DPP9: variants seen among roughly 807,000 people sequenced by gnomAD.
The protein encoded by DPP9 is dipeptidyl peptidase IV-related protein-2.
DPP9 carries 50 observed loss-of-function variants against 110.7 expected under a neutral mutation model. That is an observed-to-expected ratio of 0.45 (90% confidence interval 0.36 to 0.57). DPP9 has a LOEUF of 0.57. Ranked by LOEUF, DPP9 falls within the 20% of genes least tolerant of loss-of-function variation. The probability of loss-of-function intolerance (pLI) is 0.00; values close to 1 mark genes in which losing one functional copy is unlikely to be tolerated. For synonymous variants in DPP9, 561 were observed against 514.4 expected, an observed-to-expected ratio of 1.09 and a Z score of -1.23; for missense variants, 1,022 against 1,217.9, an observed-to-expected ratio of 0.84 and a Z score of 2.39.
At position 4,695,582 on chromosome 19, in the gene DPP9, G is replaced by A; in HGVS notation, c.1176-27C>T. On this transcript the variant is annotated intron_variant, in intron 11 of 21. Transcript: ENST00000262960. This position sits in a 1 kb window ranked among gnomAD's most constrained non-coding sequence, Gnocchi z 4.7. The stretch of plus-strand genomic sequence containing the variant: ...TAAGGGGGAAGATGCGGGGGAAGAT[G>A]AGAGGGAAGCTGGGAGCCTCAGTGG... 6.9e-7 allele frequency: 1 copy of A among 1,447,704 alleles called. No homozygotes were observed. The highest frequency in any genetic ancestry group is 9.1e-7 in the Non-Finnish European group (1 of 1,100,022). 89.7% of individuals were successfully genotyped at this position (1,447,704 alleles called of 1,614,324 possible). A position where few individuals can be genotyped will look rare whatever the true frequency, so the allele number is the denominator to read the frequency against.
At chr19:4,722,618 C>A in intron 1 of DPP9, 67 bp from the exon 2 acceptor site, 1 of 700,366 alleles carries the variant, frequency 1.4e-6, no homozygotes, top group South Asian at 1.5e-5. Flanking sequence ...GTTCAGCCTC[C>A]CCCACTCAGG....
Position 4,710,936 on chromosome 19 carries a change from C to T in DPP9, c.313+3145G>A, listed in dbSNP as rs1414569459. Among the ~76,000 whole-genome samples, 2 of 152,180 alleles carry T rather than the reference C, an allele frequency of 1.3e-5. No homozygotes were observed. The highest frequency in any genetic ancestry group is 2.9e-5 in the Non-Finnish European group (2 of 68,032). ...CCTCCTGTGTACTGTGAGGACCTGC[C>T]TGTCCCAGCCCCAGACACACACACG... On this transcript the variant is annotated intron_variant, in intron 4 of 21. Coordinates refer to ENST00000262960, the MANE Select transcript of DPP9 (RefSeq NM_139159.5). This position sits in a 1 kb window ranked among gnomAD's most constrained non-coding sequence, Gnocchi z 5.6.
At chr19:4,699,158 CAAAAAAAAA>C (rs144927941) in intron 10 of DPP9, among the ~76,000 whole-genome samples, 3 of 50,906 alleles carry the variant, frequency 5.9e-5, no homozygotes, top group African/African-American at 1.4e-4. Context: ...GACTCCACCT[CAAAAAAAAA>C]AAAAAAAAAA....
chr19:4,683,082 G>T (rs1284546608), intron 19 of DPP9: 1 of 1,489,852 alleles, frequency 6.7e-7, no homozygotes, highest in Admixed American at 2.1e-5. Flanking sequence ...CAGAGGGCCG[G>T]GTCCCACTGC....
At position 4,689,813 on chromosome 19, in the gene DPP9, C is replaced by G; in HGVS notation, c.1597-91G>C. ...GCCCCACAGGAGTGGGCCCCATGTT[C>G]CTCGGACTGGGGACGCATGCTGTCC... On this transcript the variant is annotated intron_variant, in intron 14 of 21. Coordinates refer to ENST00000262960, the MANE Select transcript of DPP9 (RefSeq NM_139159.5). This position sits in a 1 kb window ranked among gnomAD's most constrained non-coding sequence, Gnocchi z 7.0. 1.5e-6 allele frequency: 2 copies of G among 1,365,500 alleles called. No homozygotes were observed. The highest frequency in any genetic ancestry group is 2.0e-6 in the Non-Finnish European group (2 of 1,021,558). 84.6% of individuals were successfully genotyped at this position (1,365,500 alleles called of 1,614,324 possible). A position where few individuals can be genotyped will look rare whatever the true frequency, so the allele number is the denominator to read the frequency against.
Position 4,675,320 on chromosome 19 carries a change from ATGTAGAGG to A in DPP9, c.*1236_*1243del, listed in dbSNP as rs1368473480. The A allele has an allele frequency of 1.3e-5, 2 of 151,792 alleles. No individual in the cohort carries two copies. Among genetic ancestry groups the A allele is most frequent in the African/African-American group, 4.9e-5 (2 of 41,210 alleles). The allele number at this position is 151,792 out of a possible 1,614,324, so 9.4% of individuals were successfully genotyped here. Reference sequence around the variant, plus strand: ...GACAAAAATATTTTCTTTCCATAATATGTAGAGGTGGTTTGTTTCTTTTTTTTTTTTTT... The same window carrying A: ...GACAAAAATATTTTCTTTCCATAATATGGTTTGTTTCTTTTTTTTTTTTTT... On this transcript the variant is annotated 3_prime_UTR_variant, in exon 22 of 22. Transcript: ENST00000262960.
rs1292433907 is a variant in DPP9, at chr19:4,682,953, C to T, written c.2332-115G>A. The T allele has an allele frequency of 1.3e-6, 2 of 1,534,368 alleles. No homozygotes were observed. Among genetic ancestry groups the T allele is most frequent in the East Asian group, 2.4e-5 (1 of 40,870 alleles). On this transcript the variant is annotated intron_variant, in intron 19 of 21. Transcript: ENST00000262960. This position sits in a 1 kb window ranked among gnomAD's most constrained non-coding sequence, Gnocchi z 7.1. ...CGCCCTGGAGCCCGTGAGGAGCGCT[C>T]ATGCACATGGGGCCGGCAAGGAAGG...
rs2090305565 is a variant in DPP9 at position 4,683,976 on chromosome 19, G to A, written c.2179-347C>T. 4 of 540,242 alleles carry A rather than the reference G, an allele frequency of 7.4e-6. No homozygotes were observed. The South Asian group carries it at 7.7e-5, about 10-fold the overall frequency. 33.5% of individuals were successfully genotyped at this position (540,242 alleles called of 1,614,324 possible). A position where few individuals can be genotyped will look rare whatever the true frequency, so the allele number is the denominator to read the frequency against. ...AAGACGGGTGCCCAGGCATGTGCAA[G>A]GGCACAAAGAATGGCTGGTGCCATC... On this transcript the variant is annotated intron_variant, in intron 18 of 21. Coordinates refer to ENST00000262960, the MANE Select transcript of DPP9 (RefSeq NM_139159.5).
Position 4,722,566 on chromosome 19 carries a change from C to T in DPP9, c.-88-15G>A, listed in dbSNP as rs919024760. 2.1e-5 allele frequency: 15 copies of T among 702,908 alleles called. No homozygotes were observed. Among genetic ancestry groups the T allele is most frequent in the African/African-American group, 1.7e-4 (10 of 57,264 alleles). The allele number at this position is 702,908 out of a possible 1,614,324, so 43.5% of individuals were successfully genotyped here. A position where few individuals can be genotyped will look rare whatever the true frequency, so the allele number is the denominator to read the frequency against. On this transcript the variant is annotated splice_polypyrimidine_tract_variant and intron_variant, in intron 1 of 21. Coordinates refer to ENST00000262960, the MANE Select transcript of DPP9 (RefSeq NM_139159.5). ...GGGACACAGACCTTTATAGGATAAA[C>T]ATGTCATGAATGTGGCAGGTTAATG...
At position 4,718,351 on chromosome 19, in the gene DPP9, G is replaced by A. The variant is rs1487200828; in HGVS notation, c.56+1500C>T. Among the ~76,000 whole-genome samples the A allele has an allele frequency of 1.3e-5, 2 of 152,224 alleles. No individual in the cohort carries two copies. The highest frequency in any genetic ancestry group is 2.9e-5 in the Non-Finnish European group (2 of 68,038). On this transcript the variant is annotated intron_variant, in intron 3 of 21. Coordinates refer to ENST00000262960, the MANE Select transcript of DPP9 (RefSeq NM_139159.5). This position sits in a 1 kb window ranked among gnomAD's most constrained non-coding sequence, Gnocchi z 4.3. ...TAGATTCAGTGCTGACTGCAGTTCTGAGTTCAGGCCGACCACAAGGTGATA... is the reference window on the plus strand; with the variant it reads ...TAGATTCAGTGCTGACTGCAGTTCTAAGTTCAGGCCGACCACAAGGTGATA...
At chr19:4,705,432 G>A (rs1244100919) in intron 5 of DPP9, among the ~76,000 whole-genome samples, 1 of 152,174 alleles carries the variant, frequency 6.6e-6, no homozygotes, top group Non-Finnish European at 1.5e-5. Context: ...GTGTTCCCCA[G>A]TCTGGTCTCA....
Position 4,722,568 on chromosome 19 carries a change from T to G in DPP9, c.-88-17A>C, listed in dbSNP as rs1271759723. On this transcript the variant is annotated splice_polypyrimidine_tract_variant and intron_variant, in intron 1 of 21. Coordinates refer to ENST00000262960, the MANE Select transcript of DPP9 (RefSeq NM_139159.5). ...GACACAGACCTTTATAGGATAAACA[T>G]GTCATGAATGTGGCAGGTTAATGGA... The G allele has an allele frequency of 1.4e-6, 1 of 702,792 alleles. No homozygotes were observed. The highest frequency in any genetic ancestry group is 2.6e-6 in the Non-Finnish European group (1 of 384,974). The allele number at this position is 702,792 out of a possible 1,614,324, so 43.5% of individuals were successfully genotyped here.
At position 4,719,841 on chromosome 19, in the gene DPP9, C is replaced by G. The variant is rs375579663; in HGVS notation, c.56+10G>C. On this transcript the variant is annotated intron_variant, in intron 3 of 21. Coordinates refer to ENST00000262960, the MANE Select transcript of DPP9 (RefSeq NM_139159.5). ...TCCTCACGGATCAGGGCCTCCGAGG[C>G]CAACCTCACCTTCTCCAACTTCCGG... The G allele has an allele frequency of 5.8e-6, 9 of 1,551,622 alleles. No homozygotes were observed. In the African/African-American group the frequency reaches 1.2e-4, roughly 21 times the overall value.
In DPP9 at chr19:4,685,206, C is replaced by T; in HGVS notation, c.2032-397G>A. On this transcript the variant is annotated intron_variant, in intron 17 of 21. Coordinates refer to ENST00000262960, the MANE Select transcript of DPP9 (RefSeq NM_139159.5). This position sits in a 1 kb window ranked among gnomAD's most constrained non-coding sequence, Gnocchi z 5.8. Reference sequence around the variant, plus strand: ...AACCACAAAGTACCCAGACATCGCCCCGTATCCTCTGTGGGGACAGAGCTG... The same window carrying T: ...AACCACAAAGTACCCAGACATCGCCTCGTATCCTCTGTGGGGACAGAGCTG... 1.9e-6 allele frequency: 1 copy of T among 521,518 alleles called. No homozygotes were observed. The highest frequency in any genetic ancestry group is 1.5e-5 in the South Asian group (1 of 65,170). The allele number at this position is 521,518 out of a possible 1,614,324, so 32.3% of individuals were successfully genotyped here. A position where few individuals can be genotyped will look rare whatever the true frequency, so the allele number is the denominator to read the frequency against.
rs1349656328 is a variant in DPP9, at chr19:4,695,458, G to A, written c.1273C>T (p.Arg425Trp). 7.6e-6 allele frequency: 12 copies of A among 1,587,630 alleles called. No homozygotes were observed. Among genetic ancestry groups the A allele is most frequent in the Non-Finnish European group, 8.6e-6 (10 of 1,167,940 alleles). The change falls in exon 12 of 22, where the codon CGG (arginine) becomes TGG (tryptophan). Residue 425 changes from arginine to tryptophan, a missense_variant. Coordinates refer to ENST00000262960, the MANE Select transcript of DPP9 (RefSeq NM_139159.5). The surrounding 1 kb of genome is among the most constrained non-coding windows in gnomAD (Gnocchi z 4.7). ...GGGACAGCTCTGGCAGAGGCTAGCC[G>A]CTGCTCCTCATTCTCTGTGCTCGGG... ...FIPSTENEEQ[R>W]LASARAVPRN... is the part of the protein sequence containing the mutation.
Position 4,685,459 on chromosome 19 carries a change from GC to G in DPP9, c.2031+166del. 1 of 777,680 alleles carries G rather than the reference GC, an allele frequency of 1.3e-6. No homozygotes were observed. Among genetic ancestry groups the G allele is most frequent in the African/African-American group, 1.7e-5 (1 of 58,488 alleles). The allele number at this position is 777,680 out of a possible 1,614,324, so 48.2% of individuals were successfully genotyped here. Reference sequence around the variant, plus strand: ...GGGCACAGAGAAAGGAGGGTGAGGGGCCCCGAGGACCCTGTGTAGTCAGGGC... The same window carrying G: ...GGGCACAGAGAAAGGAGGGTGAGGGGCCCGAGGACCCTGTGTAGTCAGGGC... On this transcript the variant is annotated intron_variant, in intron 17 of 21. Coordinates refer to ENST00000262960, the MANE Select transcript of DPP9 (RefSeq NM_139159.5). The surrounding 1 kb of genome is among the most constrained non-coding windows in gnomAD (Gnocchi z 5.8).
rs185594729 is a variant in DPP9, at chr19:4,680,781, A to G, written c.2475-835T>C. Among the ~76,000 whole-genome samples the G allele has an allele frequency of 2.6e-5, 4 of 152,266 alleles. No homozygotes were observed. The East Asian group carries it at 7.7e-4, about 29-fold the overall frequency. ...AGACCAGCCTGGGCAACATGGTGAAACCCCATCTCTATTAAAGATACAAAA... is the reference window on the plus strand; with the variant it reads ...AGACCAGCCTGGGCAACATGGTGAAGCCCCATCTCTATTAAAGATACAAAA... On this transcript the variant is annotated intron_variant, in intron 20 of 21. Transcript: ENST00000262960.
rs2092807770 is a variant in DPP9, at chr19:4,711,058, G to A, written c.313+3023C>T. ...GTTCCTCCGTTTCTGCTGGTGGCTAGAACCTGAGGCATGGAATCCCAGGCG... is the reference window on the plus strand; with the variant it reads ...GTTCCTCCGTTTCTGCTGGTGGCTAAAACCTGAGGCATGGAATCCCAGGCG... On this transcript the variant is annotated intron_variant, in intron 4 of 21. Transcript: ENST00000262960. Among the ~76,000 whole-genome samples, 3 of 152,176 alleles carry A rather than the reference G, an allele frequency of 2.0e-5. No homozygotes were observed. The South Asian group carries it at 6.2e-4, about 31-fold the overall frequency.
In DPP9 at chr19:4,689,740, A is replaced by C. The variant is rs1233844854; in HGVS notation, c.1597-18T>G. 3.2e-6 allele frequency: 5 copies of C among 1,539,604 alleles called. No individual in the cohort carries two copies. The highest frequency in any genetic ancestry group is 3.5e-6 in the Non-Finnish European group (4 of 1,138,980). On this transcript the variant is annotated intron_variant, in intron 14 of 21. Coordinates refer to ENST00000262960, the MANE Select transcript of DPP9 (RefSeq NM_139159.5). This position sits in a 1 kb window ranked among gnomAD's most constrained non-coding sequence, Gnocchi z 7.0. ...ACCCAGATCTGCAGGGGGACAGGGG[A>C]TCCTCGTGATGCGTCCCAGATGCCC...
Sources: allele counts gnomAD v4.1 joint callset (sites outside exome capture counted in the v4.1 genomes callset), GRCh38; gene constraint gnomAD v4.1.1; non-coding constraint Gnocchi (gnomAD v3.1); transcripts MANE v1.5; gene names NCBI Gene and HGNC (gene_info 2026-07-23, HGNC 2026-07-21).